ZBTB20: variants seen among roughly 807,000 people sequenced by gnomAD.
ZBTB20 encodes zinc finger and BTB domain-containing protein 20.
Under a neutral mutation model 56.9 loss-of-function variants are expected in ZBTB20, and 9 were observed. The observed-to-expected ratio is 0.16, with a 90% CI of 0.10 to 0.28. The LOEUF is 0.28. Among genes scored for constraint, ZBTB20 ranks in the 10% least tolerant of loss-of-function variants. The probability of loss-of-function intolerance (pLI) is 1.00; values close to 1 mark genes in which losing one functional copy is unlikely to be tolerated. For missense variants in ZBTB20, 655 were observed against 1,003.0 expected (o/e 0.65, Z 4.69); for synonymous variants, 417 against 420.7 (o/e 0.99, Z 0.11).
intron 4 of ZBTB20, among the ~76,000 whole-genome samples, chr3:114,807,399 T>C (rs987480139): frequency 6.6e-6 from 1 of 151,884 alleles, no homozygotes; most frequent in Non-Finnish European, 1.5e-5. Flanking sequence ...TTTCTGCTGG[T>C]CTGTCTAACC....
intron 7 of ZBTB20, among the ~76,000 whole-genome samples, chr3:114,414,472 C>T (rs2088308252): frequency 6.6e-6 from 1 of 151,994 alleles, no homozygotes; most frequent in South Asian, 2.1e-4. Flanking sequence ...TGTTTCTCCA[C>T]ATTTTGAAGA....
chr3:114,581,491 G>GA (rs1182221123), intron 6 of ZBTB20, among the ~76,000 whole-genome samples: 2 of 151,906 alleles, frequency 1.3e-5, no homozygotes, highest in South Asian at 2.1e-4. Context: ...TACAAATTGG[G>GA]AAAAAATCTT....
chr3:114,714,846 G>C (rs1251158353), intron 5 of ZBTB20, among the ~76,000 whole-genome samples: 1 of 152,158 alleles, frequency 6.6e-6, no homozygotes, highest in Non-Finnish European at 1.5e-5. Context: ...AATCACACAG[G>C]AGAATTAAGA....
chr3:114,722,393 C>T (rs2064979765), intron 5 of ZBTB20, among the ~76,000 whole-genome samples: 1 of 152,156 alleles, frequency 6.6e-6, no homozygotes, highest in South Asian at 2.1e-4. Flanking sequence ...CAACCCCTTT[C>T]TCTTTGTTTA....
At chr3:114,534,645 A>G (rs977241150) in intron 6 of ZBTB20, among the ~76,000 whole-genome samples, 2 of 152,216 alleles carry the variant, frequency 1.3e-5, no homozygotes, top group Non-Finnish European at 1.5e-5. Context: ...TGGACCAAAT[A>G]GACATCTACA....
At chr3:114,620,084 T>C (rs933017344) in intron 6 of ZBTB20, among the ~76,000 whole-genome samples, 3 of 152,196 alleles carry the variant, frequency 2.0e-5, no homozygotes, top group Admixed American at 2.0e-4. Flanking sequence ...GTCACCCTCA[T>C]AAGTCCAGGA....
At chr3:115,050,208 A>G (rs1010653199) in intron 2 of ZBTB20, among the ~76,000 whole-genome samples, 3 of 152,092 alleles carry the variant, frequency 2.0e-5, no homozygotes, top group Non-Finnish European at 4.4e-5. Flanking sequence ...TACGAATTTT[A>G]TAAATGTATG....
intron 7 of ZBTB20, among the ~76,000 whole-genome samples, chr3:114,440,077 C>A (rs996023592): frequency 1.3e-5 from 2 of 151,778 alleles, no homozygotes; most frequent in Non-Finnish European, 2.9e-5. Flanking sequence ...AAATGGTAAT[C>A]AGCAGAGAAG....
chr3:114,872,926 T>G (rs1424302116), intron 4 of ZBTB20, among the ~76,000 whole-genome samples: 5 of 152,150 alleles, frequency 3.3e-5, no homozygotes, highest in Non-Finnish European at 7.4e-5. Context: ...AGGCTGCTCA[T>G]ATGGTAATAA....
intron 1 of ZBTB20, among the ~76,000 whole-genome samples, chr3:115,138,038 A>G (rs2084700086): frequency 1.3e-5 from 2 of 152,136 alleles, no homozygotes; most frequent in South Asian, 2.1e-4. Flanking sequence ...ACAAATGTTA[A>G]GGGCACAAAG....
At chr3:114,397,596 T>C (rs932982515) in intron 7 of ZBTB20, among the ~76,000 whole-genome samples, 1 of 151,966 alleles carries the variant, frequency 6.6e-6, no homozygotes, top group Admixed American at 6.6e-5. Flanking sequence ...TTGTCCCGCA[T>C]TCAACTCCTG....
At chr3:114,475,459 A>C (rs1348707920) in intron 7 of ZBTB20, among the ~76,000 whole-genome samples, 1 of 152,212 alleles carries the variant, frequency 6.6e-6, no homozygotes, top group Non-Finnish European at 1.5e-5. Flanking sequence ...TGCCAAGTAT[A>C]CAAGTGCACG....
chr3:114,525,784 T>C (rs1223696573), intron 6 of ZBTB20, among the ~76,000 whole-genome samples: 1 of 152,198 alleles, frequency 6.6e-6, no homozygotes, highest in African/African-American at 2.4e-5. Context: ...GATAGCTTCA[T>C]AGACTTCCAT....
chr3:114,536,967 A>G (rs1246571871), intron 6 of ZBTB20, among the ~76,000 whole-genome samples: 5 of 152,174 alleles, frequency 3.3e-5, no homozygotes, highest in African/African-American at 1.2e-4. Context: ...CCCCTTCCTT[A>G]CACCTTATAC....
At chr3:114,496,641 A>T (rs555399717) in intron 7 of ZBTB20, among the ~76,000 whole-genome samples, 1 of 152,208 alleles carries the variant, frequency 6.6e-6, no homozygotes, top group Non-Finnish European at 1.5e-5. Context: ...CTGGCAGCCC[A>T]AAGTGAACAA....
At chr3:114,649,918 T>A (rs2060041955) in intron 6 of ZBTB20, among the ~76,000 whole-genome samples, 1 of 151,952 alleles carries the variant, frequency 6.6e-6, no homozygotes, top group African/African-American at 2.4e-5. Context: ...TTGGGCACCA[T>A]GCTTTGAATT....
intron 6 of ZBTB20, among the ~76,000 whole-genome samples, chr3:114,685,595 A>C (rs2062282421): frequency 6.6e-6 from 1 of 152,188 alleles, no homozygotes; most frequent in South Asian, 2.1e-4. Context: ...GTTCCCAGTA[A>C]AGGGGTATGT....
At position 114,329,339 on chromosome 3, in the gene ZBTB20, TGAA is replaced by T. The variant is rs1418238713; in HGVS notation, c.*9663_*9665del. 6.6e-6 allele frequency: 1 copy of T among 152,156 alleles called. No individual in the cohort carries two copies. The highest frequency in any genetic ancestry group is 1.5e-5 in the Non-Finnish European group (1 of 68,028). The allele number at this position is 152,156 out of a possible 1,614,324, so 9.4% of individuals were successfully genotyped here. ...CTTCATTTTGTCCTGAATGTAGAAG[TGAA>T]GAAGGACACTAGTTTCAGGCACCTG... On this transcript the variant is annotated 3_prime_UTR_variant, in exon 12 of 12. Transcript: ENST00000675478.
intron 6 of ZBTB20, among the ~76,000 whole-genome samples, chr3:114,526,020 C>G (rs112113135): frequency 0.012 from 1,872 of 152,298 alleles, 42 homozygotes; most frequent in African/African-American, 0.043. Flanking sequence ...CTGCCAAGAT[C>G]ATCATCCTCC....
Sources: allele counts gnomAD v4.1 joint callset (sites outside exome capture counted in the v4.1 genomes callset), GRCh38; gene constraint gnomAD v4.1.1; transcripts MANE v1.5; gene names NCBI Gene and HGNC (gene_info 2026-07-23, HGNC 2026-07-21).